The following SOX5 variants were observed in gnomAD, a reference collection of about 807,000 sequenced individuals.
SOX5 encodes transcription factor SOX-5.
A neutral mutation model predicts 92.0 loss-of-function variants in SOX5; 9 were observed. The ratio of observed to expected loss-of-function variants is 0.10; its 90% CI spans 0.06 to 0.17. The LOEUF is 0.17. SOX5 is among the 10% of genes least tolerant of loss of function. The pLI is 1.00. For missense variants in SOX5, 642 were observed against 944.5 expected (o/e 0.68, Z 4.20); for synonymous variants, 344 against 336.3 (o/e 1.02, Z -0.25).
chr12:23,612,955 C>T (rs1415133173), intron 8 of SOX5, among the ~76,000 whole-genome samples: 3 of 152,132 alleles, frequency 2.0e-5, no homozygotes, highest in Non-Finnish European at 4.4e-5. Flanking sequence ...AACACAGCAG[C>T]ATGTTTCAGT....
chr12:24,182,838 C>T (rs80217159), intron 4 of SOX5, among the ~76,000 whole-genome samples: 17,736 of 152,096 alleles, frequency 0.12, 1,225 homozygotes, highest in East Asian at 0.33. Flanking sequence ...CTCAGCCTCC[C>T]GAATAGCTGG....
intron 4 of SOX5, among the ~76,000 whole-genome samples, chr12:24,109,131 TATAA>T (rs1263889576): frequency 2.0e-5 from 3 of 152,198 alleles, no homozygotes; most frequent in African/African-American, 4.8e-5. Flanking sequence ...ATCTAGGTAC[TATAA>T]ATAGATACCT....
chr12:24,228,343 A>G (rs1027086040), intron 3 of SOX5, among the ~76,000 whole-genome samples: 5 of 152,242 alleles, frequency 3.3e-5, no homozygotes, highest in South Asian at 4.1e-4. Flanking sequence ...GTTTCTCTCT[A>G]TCAAAATACT....
At chr12:23,695,007 C>G (rs111325996) in intron 6 of SOX5, among the ~76,000 whole-genome samples, 2 of 151,750 alleles carry the variant, frequency 1.3e-5, no homozygotes, top group African/African-American at 2.4e-5. Flanking sequence ...GTAGTCCTAG[C>G]TACTTGCAAG....
At chr12:23,597,565 A>G (rs1952680590) in intron 9 of SOX5, among the ~76,000 whole-genome samples, 1 of 152,188 alleles carries the variant, frequency 6.6e-6, no homozygotes, top group Non-Finnish European at 1.5e-5. Flanking sequence ...CCACAAAAAG[A>G]AAACTATTTT....
chr12:23,706,683 G>C (rs979270909), intron 6 of SOX5, among the ~76,000 whole-genome samples: 1 of 151,908 alleles, frequency 6.6e-6, no homozygotes. Flanking sequence ...TCAATATAAA[G>C]AGATTCAAAT....
intron 2 of SOX5, among the ~76,000 whole-genome samples, chr12:23,859,094 A>C (rs1190808164): frequency 6.6e-6 from 1 of 152,216 alleles, no homozygotes; most frequent in East Asian, 1.9e-4. Context: ...GTGTTTGAAC[A>C]ATATGAAATC....
chr12:23,604,622 G>A, intron 8 of SOX5, 89 bp from the exon 9 acceptor site: 5 of 1,293,312 alleles, frequency 3.9e-6, no homozygotes, highest in Non-Finnish European at 3.3e-6. Context: ...TTCAGATATG[G>A]TATTTTTCCT....
At chr12:24,271,801 T>C (rs1373046795) in intron 3 of SOX5, among the ~76,000 whole-genome samples, 1 of 152,224 alleles carries the variant, frequency 6.6e-6, no homozygotes, top group East Asian at 1.9e-4. Context: ...GACTTCTCTA[T>C]TGTCTCTCAT....
At chr12:24,294,377 G>A (rs1285511277) in intron 2 of SOX5, among the ~76,000 whole-genome samples, 4 of 151,898 alleles carry the variant, frequency 2.6e-5, no homozygotes, top group Non-Finnish European at 5.9e-5. Flanking sequence ...CCAGATTTCG[G>A]TCTCAGTAAC....
intron 2 of SOX5, among the ~76,000 whole-genome samples, chr12:24,279,521 C>G (rs1216012127): frequency 6.6e-6 from 1 of 151,946 alleles, no homozygotes; most frequent in African/African-American, 2.4e-5. Context: ...TCGCTGATAT[C>G]GCTAATATCA....
At chr12:23,601,412 A>C (rs1240878558) in intron 9 of SOX5, among the ~76,000 whole-genome samples, 1 of 152,296 alleles carries the variant, frequency 6.6e-6, no homozygotes, top group African/African-American at 2.4e-5. Flanking sequence ...GTTGTGACTT[A>C]TGATTTCATT....
chr12:24,352,899 C>T (rs1190698654), intron 2 of SOX5, among the ~76,000 whole-genome samples: 2 of 152,118 alleles, frequency 1.3e-5, no homozygotes, highest in African/African-American at 4.8e-5. Context: ...ACGGGCCTCA[C>T]TGGAAAGTTG....
chr12:24,223,100 T>C (rs1335382796), intron 3 of SOX5, among the ~76,000 whole-genome samples: 2 of 152,208 alleles, frequency 1.3e-5, no homozygotes, highest in Non-Finnish European at 2.9e-5. Context: ...TATTTAGATG[T>C]TTCTTCATGT....
chr12:24,533,153 A>G (rs1007254793), intron 1 of SOX5, among the ~76,000 whole-genome samples: 1 of 152,122 alleles, frequency 6.6e-6, no homozygotes. Context: ...TTCCAGGGCA[A>G]GTTAAGAATT....
At chr12:24,115,225 G>C (rs149686997) in intron 4 of SOX5, among the ~76,000 whole-genome samples, 1 of 152,096 alleles carries the variant, frequency 6.6e-6, no homozygotes, top group Non-Finnish European at 1.5e-5. Flanking sequence ...GAGTCTTGCT[G>C]TTCAAAACAT....
chr12:23,863,758 A>G (rs1341443819), intron 2 of SOX5, among the ~76,000 whole-genome samples: 1 of 151,348 alleles, frequency 6.6e-6, no homozygotes, highest in Admixed American at 6.6e-5. Context: ...AAATTGAGCT[A>G]TTTTGTCAAC....
At chr12:23,797,081 T>A (rs4641571) in intron 3 of SOX5, among the ~76,000 whole-genome samples, 50,156 of 151,210 alleles carry the variant, frequency 0.33, 8,787 homozygotes, top group East Asian at 0.64. Context: ...AGCTTCAAAG[T>A]AGCCTTAATT....
At chr12:23,906,526 G>GGCT (rs2097295079) in intron 1 of SOX5, among the ~76,000 whole-genome samples, 1 of 152,092 alleles carries the variant, frequency 6.6e-6, no homozygotes, top group Non-Finnish European at 1.5e-5. Context: ...GGAGTCATAC[G>GGCT]GCTGGTCTCT....
Sources: allele counts gnomAD v4.1 joint callset (sites outside exome capture counted in the v4.1 genomes callset), GRCh38; gene constraint gnomAD v4.1.1; transcripts MANE v1.5; gene names NCBI Gene and HGNC (gene_info 2026-07-23, HGNC 2026-07-21).